The following SLC9A9 variants were observed in gnomAD, a reference collection of about 807,000 sequenced individuals.
SLC9A9 encodes the protein solute carrier family 9 member A9.
A neutral mutation model predicts 77.8 loss-of-function variants in SLC9A9; 62 were observed. The ratio of observed to expected loss-of-function variants is 0.80; its 90% CI spans 0.65 to 0.98. SLC9A9 has a LOEUF of 0.98. Among genes scored for constraint, SLC9A9 ranks in the 50% least tolerant of loss-of-function variants. The probability of loss-of-function intolerance (pLI) is 0.00; values close to 1 mark genes in which losing one functional copy is unlikely to be tolerated. For missense variants in SLC9A9, 775 were observed against 774.9 expected (o/e 1.00, Z 0.00); for synonymous variants, 320 against 283.5 (o/e 1.13, Z -1.29).
At chr3:143,842,106 C>T (rs112880122) in intron 1 of SLC9A9, among the ~76,000 whole-genome samples, 32,953 of 151,618 alleles carry the variant, frequency 0.22, 4,371 homozygotes, top group South Asian at 0.33. Flanking sequence ...GCAGGCCGGG[C>T]GCGGTGGCTC....
chr3:143,361,135 A>G (rs979525891), intron 14 of SLC9A9, among the ~76,000 whole-genome samples: 1 of 152,222 alleles, frequency 6.6e-6, no homozygotes, highest in African/African-American at 2.4e-5. Flanking sequence ...ATAAATCTAT[A>G]TGTATATGAT....
At chr3:143,667,102 T>C (rs1013708018) in intron 5 of SLC9A9, among the ~76,000 whole-genome samples, 1 of 152,014 alleles carries the variant, frequency 6.6e-6, no homozygotes, top group Non-Finnish European at 1.5e-5. Flanking sequence ...CTACAGTAAC[T>C]AAAACAGCAT....
At chr3:143,398,401 T>C (rs1310417659) in intron 12 of SLC9A9, among the ~76,000 whole-genome samples, 4 of 152,072 alleles carry the variant, frequency 2.6e-5, no homozygotes, top group Non-Finnish European at 2.9e-5. Context: ...ATCTCCACCA[T>C]GAAGCGTGGA....
chr3:143,834,562 C>T (rs1172208122), intron 1 of SLC9A9, among the ~76,000 whole-genome samples: 1 of 132,344 alleles, frequency 7.6e-6, no homozygotes, highest in South Asian at 2.6e-4. Flanking sequence ...TCCTAGTGGG[C>T]GAGGCACTCT....
At chr3:143,308,404 GTC>G (rs2030889587) in intron 14 of SLC9A9, among the ~76,000 whole-genome samples, 1 of 151,872 alleles carries the variant, frequency 6.6e-6, no homozygotes. Flanking sequence ...GTGAAACCCC[GTC>G]TCTACTAAAA....
chr3:143,716,293 C>G (rs1218818271), intron 4 of SLC9A9, among the ~76,000 whole-genome samples: 1 of 151,942 alleles, frequency 6.6e-6, no homozygotes, highest in Non-Finnish European at 1.5e-5. Flanking sequence ...GAGCTGGTCT[C>G]AGACTCCTGG....
intron 14 of SLC9A9, among the ~76,000 whole-genome samples, chr3:143,278,975 C>T (rs1342546633): frequency 7.3e-6 from 1 of 136,498 alleles, no homozygotes; most frequent in Non-Finnish European, 1.5e-5. Context: ...CAGGAGTGGC[C>T]TCATACAGGA....
chr3:143,785,285 A>G (rs1461001954), intron 4 of SLC9A9, among the ~76,000 whole-genome samples: 1 of 152,212 alleles, frequency 6.6e-6, no homozygotes, highest in African/African-American at 2.4e-5. Flanking sequence ...GGACCTCAAG[A>G]GGCCTTGCAT....
chr3:143,309,352 G>A (rs117571326), intron 14 of SLC9A9, among the ~76,000 whole-genome samples: 3 of 150,430 alleles, frequency 2.0e-5, no homozygotes, highest in East Asian at 2.0e-4. Flanking sequence ...ACACCACAGC[G>A]TACCTTTATG....
chr3:143,845,525 A>G (rs1195845491), intron 1 of SLC9A9, among the ~76,000 whole-genome samples: 1 of 152,194 alleles, frequency 6.6e-6, no homozygotes, highest in African/African-American at 2.4e-5. Flanking sequence ...ACACAGGGAG[A>G]GTTCTTTCAG....
rs2008397738 is a variant in SLC9A9, at chr3:143,796,814, C to T, written c.456+12G>A. 6.4e-7 allele frequency: 1 copy of T among 1,568,758 alleles called. No homozygotes were observed. Among genetic ancestry groups the T allele is most frequent in the Admixed American group, 1.7e-5 (1 of 59,262 alleles). On this transcript the variant is annotated intron_variant, in intron 3 of 15. Coordinates refer to ENST00000316549, the MANE Select transcript of SLC9A9 (RefSeq NM_173653.4). Reference sequence around the variant, plus strand: ...TAATGATAAAAGAAGAAAATGATCACTATATATTTACCTTCTTTAGACTAT... The same window carrying T: ...TAATGATAAAAGAAGAAAATGATCATTATATATTTACCTTCTTTAGACTAT...
chr3:143,510,759 T>C (rs2036102621), intron 9 of SLC9A9, among the ~76,000 whole-genome samples: 1 of 152,214 alleles, frequency 6.6e-6, no homozygotes, highest in South Asian at 2.1e-4. Flanking sequence ...TTGTATGCAT[T>C]GAACATCTTG....
In SLC9A9 at chr3:143,300,696, C is replaced by A. The variant is rs183976808; in HGVS notation, c.1605-31716G>T. ...TGTACATCAGAATCTTTGGAGGGAA[C>A]TTTTAAAAGCCCGGAGTCTGATTTG... On this transcript the variant is annotated intron_variant, in intron 14 of 15. Coordinates refer to ENST00000316549, the MANE Select transcript of SLC9A9 (RefSeq NM_173653.4). Among the ~76,000 whole-genome samples the A allele has an allele frequency of 5.3e-5, 8 of 152,278 alleles. No individual in the cohort carries two copies. The East Asian group carries it at 1.4e-3, about 26-fold the overall frequency.
chr3:143,472,480 C>T (rs1427961725), intron 11 of SLC9A9, among the ~76,000 whole-genome samples: 1 of 152,090 alleles, frequency 6.6e-6, no homozygotes. Context: ...CTCCTATAAC[C>T]CTCATCAAAA....
At chr3:143,649,908 T>C (rs2038769123) in intron 6 of SLC9A9, among the ~76,000 whole-genome samples, 1 of 151,506 alleles carries the variant, frequency 6.6e-6, no homozygotes, top group African/African-American at 2.4e-5. Context: ...AAAGAGATTT[T>C]CATTTGTTCT....
chr3:143,773,575 C>G (rs909150454), intron 4 of SLC9A9, among the ~76,000 whole-genome samples: 2 of 151,732 alleles, frequency 1.3e-5, no homozygotes, highest in Non-Finnish European at 2.9e-5. Flanking sequence ...ACCTCTGCCC[C>G]CTGGGTTCAA....
At chr3:143,697,713 C>T (rs1264077064) in intron 4 of SLC9A9, among the ~76,000 whole-genome samples, 3 of 147,054 alleles carry the variant, frequency 2.0e-5, no homozygotes, top group African/African-American at 5.0e-5. Flanking sequence ...CACACACACA[C>T]ACCCCACATA....
intron 6 of SLC9A9, among the ~76,000 whole-genome samples, chr3:143,630,353 T>C (rs2038401634): frequency 6.6e-6 from 1 of 152,208 alleles, no homozygotes; most frequent in Admixed American, 6.5e-5. Flanking sequence ...GCAGAGCTGC[T>C]CTAGCAATGT....
At chr3:143,421,842 C>T (rs2034302464) in intron 12 of SLC9A9, among the ~76,000 whole-genome samples, 1 of 152,006 alleles carries the variant, frequency 6.6e-6, no homozygotes, top group African/African-American at 2.4e-5. Context: ...ACTATGCAGT[C>T]AACAAAGGTC....
Sources: gnomAD v4.1 joint callset for allele counts (sites outside exome capture counted in the v4.1 genomes callset) on GRCh38, gnomAD v4.1.1 for gene constraint, MANE v1.5 for transcripts, NCBI Gene and HGNC (gene_info 2026-07-23, HGNC 2026-07-21) for gene names.